Variants in RNF13 observed in about 807,000 individuals in gnomAD.
The protein encoded by RNF13 is ring finger protein 13, also known as E3 ubiquitin-protein ligase RNF13.
Under a neutral mutation model 37.7 loss-of-function variants are expected in RNF13, and 19 were observed. The ratio of observed to expected loss-of-function variants is 0.50; its 90% confidence interval spans 0.35 to 0.74. RNF13 has a LOEUF of 0.74. RNF13 is among the 30% of genes least tolerant of loss of function. RNF13 has a pLI of 0.01. For missense variants in RNF13, 375 were observed against 453.0 expected, an observed-to-expected ratio of 0.83 and a Z score of 1.56; for synonymous variants, 144 against 157.8, an observed-to-expected ratio of 0.91 and a Z score of 0.65.
intron 1 of RNF13, among the ~76,000 whole-genome samples, chr3:149,821,368 A>G (rs1719980955): frequency 6.6e-6 from 1 of 152,156 alleles, no homozygotes; most frequent in South Asian, 2.1e-4. Context: ...CCTTATGGGT[A>G]TGAAGTGGTA....
At chr3:149,843,043 A>G (rs909708088) in intron 1 of RNF13, among the ~76,000 whole-genome samples, 1 of 152,236 alleles carries the variant, frequency 6.6e-6, no homozygotes, top group Non-Finnish European at 1.5e-5. Flanking sequence ...TTCTACATCC[A>G]TGGATTCAAT....
chr3:149,917,583 G>A (rs1268376250), intron 7 of RNF13: 2 of 152,114 alleles, frequency 1.3e-5, no homozygotes, highest in Non-Finnish European at 2.9e-5. Flanking sequence ...CAGAAACGTA[G>A]ATATTCATTA....
chr3:149,863,528 T>C (rs1169547222), intron 3 of RNF13, among the ~76,000 whole-genome samples: 3 of 152,018 alleles, frequency 2.0e-5, no homozygotes, highest in Non-Finnish European at 4.4e-5. Flanking sequence ...TACAGGCGTG[T>C]ACCACCACGC....
chr3:149,902,782 C>A (rs1037836879), intron 6 of RNF13, among the ~76,000 whole-genome samples: 2 of 152,066 alleles, frequency 1.3e-5, no homozygotes, highest in Admixed American at 6.5e-5. Flanking sequence ...ACACACAGAT[C>A]CCCAAAACGT....
At chr3:149,960,183 A>T in intron 9 of RNF13, 47 bp downstream of exon 9, 1 of 1,269,832 alleles carries the variant, frequency 7.9e-7, no homozygotes, top group Non-Finnish European at 1.1e-6. Context: ...AGTAATTTAT[A>T]TTTAGGTTCC....
chr3:149,959,937 T>C (rs920780040), intron 8 of RNF13, 119 bp from the exon 9 acceptor site: 3 of 642,438 alleles, frequency 4.7e-6, no homozygotes, highest in Non-Finnish European at 8.3e-6. Context: ...AAGCAGATCC[T>C]TGAGTCCGAT....
chr3:149,835,744 A>C (rs187025195), intron 1 of RNF13, among the ~76,000 whole-genome samples: 73 of 151,832 alleles, frequency 4.8e-4, no homozygotes, highest in African/African-American at 1.8e-3. Flanking sequence ...GGCTGGTTCC[A>C]TATTTTTGCA....
intron 8 of RNF13, among the ~76,000 whole-genome samples, chr3:149,925,036 C>G (rs1718497618): frequency 6.6e-6 from 1 of 152,102 alleles, no homozygotes; most frequent in African/African-American, 2.4e-5. Flanking sequence ...TTTAATTTCT[C>G]TCAGGTAGGA....
At chr3:149,816,813 G>A (rs1018470978) in intron 1 of RNF13, among the ~76,000 whole-genome samples, 1 of 152,186 alleles carries the variant, frequency 6.6e-6, no homozygotes, top group Non-Finnish European at 1.5e-5. Context: ...AAGAGTGGAA[G>A]CCTAGAAGTA....
chr3:149,941,055 C>A (rs1483110791), intron 8 of RNF13, among the ~76,000 whole-genome samples: 1 of 152,142 alleles, frequency 6.6e-6, no homozygotes, highest in Non-Finnish European at 1.5e-5. Flanking sequence ...TTTCATAATA[C>A]TACATTTTAT....
intron 1 of RNF13, among the ~76,000 whole-genome samples, chr3:149,824,139 A>G (rs1472854080): frequency 2.0e-5 from 3 of 152,270 alleles, no homozygotes; most frequent in African/African-American, 7.2e-5. Context: ...ATAGCAGATT[A>G]TAACCCATTG....
At chr3:149,818,414 T>C (rs918203191) in intron 1 of RNF13, among the ~76,000 whole-genome samples, 3 of 152,234 alleles carry the variant, frequency 2.0e-5, no homozygotes, top group East Asian at 1.9e-4. Context: ...ACCATGTCTT[T>C]CTTATTCGCA....
At position 149,824,862 on chromosome 3, in the gene RNF13, A is replaced by T. The variant is rs934163144; in HGVS notation, c.-17+11509A>T. 4.6e-5 allele frequency among the ~76,000 whole-genome samples: 7 copies of T among 150,788 alleles called. No individual in the cohort carries two copies. In the East Asian group the frequency reaches 1.4e-3, roughly 29 times the overall value. On this transcript the variant is annotated intron_variant, in intron 1 of 9. Transcript: ENST00000392894. ...ATTTTAAGTTCAGGAGTACATGTGC[A>T]GGTTTGTTATATAGGTAAACTTGTG...
intron 6 of RNF13, among the ~76,000 whole-genome samples, chr3:149,902,837 A>G (rs1349802171): frequency 1.3e-5 from 2 of 152,138 alleles, no homozygotes; most frequent in Non-Finnish European, 2.9e-5. Flanking sequence ...AACAACAAAA[A>G]TAATAATAAA....
chr3:149,922,067 A>G, intron 8 of RNF13, among the ~76,000 whole-genome samples: 1 of 151,642 alleles, frequency 6.6e-6, no homozygotes. Flanking sequence ...TCCGCCCCCC[A>G]GGTTCAAGAG....
chr3:149,913,207 T>C (rs1161795921), intron 7 of RNF13, among the ~76,000 whole-genome samples: 6 of 152,156 alleles, frequency 3.9e-5, no homozygotes, highest in African/African-American at 1.2e-4. Context: ...TTTTTTCCTA[T>C]AAATGTTTTG....
intron 1 of RNF13, among the ~76,000 whole-genome samples, chr3:149,842,419 A>T (rs1722272801): frequency 6.6e-6 from 1 of 152,158 alleles, no homozygotes; most frequent in East Asian, 1.9e-4. Context: ...TTCTGTGCAT[A>T]ATTGTATTTA....
At chr3:149,874,545 G>A (rs1478526345) in intron 4 of RNF13, among the ~76,000 whole-genome samples, 1 of 152,086 alleles carries the variant, frequency 6.6e-6, no homozygotes, top group Non-Finnish European at 1.5e-5. Context: ...GGTCTTAGCT[G>A]TTGATGTTTT....
At chr3:149,883,107 C>A (rs1392742514) in intron 4 of RNF13, among the ~76,000 whole-genome samples, 1 of 152,138 alleles carries the variant, frequency 6.6e-6, no homozygotes, top group Non-Finnish European at 1.5e-5. Flanking sequence ...ATATAAACTA[C>A]ATGTTTAAAT....
Sources: allele counts gnomAD v4.1 joint callset (sites outside exome capture counted in the v4.1 genomes callset), GRCh38; gene constraint gnomAD v4.1.1; transcripts MANE v1.5; gene names NCBI Gene and HGNC (gene_info 2026-07-23, HGNC 2026-07-21).